Variants in EBF1 observed in about 807,000 individuals in gnomAD.
EBF1 encodes transcription factor COE1.
In EBF1, 10 loss-of-function variants were observed where a neutral mutation model predicts 68.4. The observed-to-expected ratio is 0.15, with a 90% CI of 0.09 to 0.25. The LOEUF is 0.25. Among genes scored for constraint, EBF1 ranks in the 10% least tolerant of loss-of-function variants. EBF1 has a pLI of 1.00. For synonymous variants in EBF1, 298 were observed against 299.8 expected (o/e 0.99, Z 0.06); for missense variants, 509 against 794.4 (o/e 0.64, Z 4.32).
intron 6 of EBF1, among the ~76,000 whole-genome samples, chr5:159,034,877 C>T (rs956924160): frequency 6.6e-6 from 1 of 152,170 alleles, no homozygotes; most frequent in African/African-American, 2.4e-5. Flanking sequence ...TCCTGCCTAC[C>T]TTGTCCAACC....
At position 158,707,962 on chromosome 5, in the gene EBF1, T is replaced by C; in HGVS notation, c.1744+17A>G. 1 of 1,540,458 alleles carries C rather than the reference T, an allele frequency of 6.5e-7. No individual in the cohort carries two copies. Among genetic ancestry groups the C allele is most frequent in the Non-Finnish European group, 8.8e-7 (1 of 1,140,850 alleles). The stretch of plus-strand genomic sequence containing the variant: ...AGGGCATTGAATCTGGATTGGCAGG[T>C]GGGGCCTGGGGCTTACCTTGCAGGC... On this transcript the variant is annotated intron_variant, in intron 15 of 15. Coordinates refer to ENST00000313708, the MANE Select transcript of EBF1 (RefSeq NM_024007.5).
chr5:159,011,401 G>A (rs1027530130), intron 6 of EBF1, among the ~76,000 whole-genome samples: 4 of 152,190 alleles, frequency 2.6e-5, no homozygotes, highest in Admixed American at 6.5e-5. Flanking sequence ...TTAGCTGGCT[G>A]CCGGAAGCCC....
intron 10 of EBF1, among the ~76,000 whole-genome samples, chr5:158,752,023 T>C (rs1340911274): frequency 6.6e-6 from 1 of 152,028 alleles, no homozygotes; most frequent in Non-Finnish European, 1.5e-5. Flanking sequence ...ATAATTACTA[T>C]GTGCAGTACT....
At chr5:158,811,055 T>C (rs1202866657) in intron 8 of EBF1, among the ~76,000 whole-genome samples, 2 of 152,194 alleles carry the variant, frequency 1.3e-5, no homozygotes, top group Non-Finnish European at 2.9e-5. Flanking sequence ...GATGGCATCA[T>C]ATTCATCTGA....
chr5:158,799,675 A>T (rs1780234051), intron 8 of EBF1, among the ~76,000 whole-genome samples: 1 of 152,178 alleles, frequency 6.6e-6, no homozygotes, highest in African/African-American at 2.4e-5. Flanking sequence ...ATTAATGGCC[A>T]CTGTTTCTCA....
chr5:158,779,377 A>G (rs1775949660), intron 9 of EBF1, among the ~76,000 whole-genome samples: 1 of 152,176 alleles, frequency 6.6e-6, no homozygotes, highest in African/African-American at 2.4e-5. Flanking sequence ...TTGTAATCAT[A>G]GAGAAAAAAA....
intron 6 of EBF1, among the ~76,000 whole-genome samples, chr5:158,880,085 T>C (rs188027651): frequency 1.4e-4 from 21 of 152,350 alleles, no homozygotes; most frequent in Admixed American, 1.1e-3. Context: ...TATTGACTTT[T>C]TGCCTTGTGC....
chr5:158,978,833 C>G (rs75827087), intron 6 of EBF1, among the ~76,000 whole-genome samples: 26,518 of 120,004 alleles, frequency 0.22, 2,450 homozygotes, highest in African/African-American at 0.24. Flanking sequence ...CACACACACA[C>G]ACAGAGAGAG....
At chr5:159,006,125 G>A (rs895817216) in intron 6 of EBF1, among the ~76,000 whole-genome samples, 5 of 152,160 alleles carry the variant, frequency 3.3e-5, no homozygotes, top group Non-Finnish European at 5.9e-5. Flanking sequence ...TGTCTAGAAG[G>A]CTGTTTTTGC....
chr5:158,802,619 G>A (rs916489999), intron 8 of EBF1, among the ~76,000 whole-genome samples: 6 of 152,118 alleles, frequency 3.9e-5, no homozygotes, highest in African/African-American at 7.2e-5. Context: ...ATGAAATTAT[G>A]TTAAGTTGAT....
At chr5:158,725,673 TGAG>T (rs1762843405) in intron 11 of EBF1, among the ~76,000 whole-genome samples, 1 of 152,200 alleles carries the variant, frequency 6.6e-6, no homozygotes, top group Admixed American at 6.5e-5. Flanking sequence ...TGTATGGTAA[TGAG>T]GAGACCATAT....
chr5:158,962,819 G>A (rs1373751891), intron 6 of EBF1, among the ~76,000 whole-genome samples: 1 of 152,106 alleles, frequency 6.6e-6, no homozygotes, highest in Non-Finnish European at 1.5e-5. Context: ...TTTAAGGATG[G>A]GGTTTTATCA....
At chr5:158,839,444 T>C (rs866507461) in intron 7 of EBF1, among the ~76,000 whole-genome samples, 2 of 152,176 alleles carry the variant, frequency 1.3e-5, no homozygotes, top group African/African-American at 2.4e-5. Context: ...TGGAGTGCAG[T>C]GGCATGACCT....
At chr5:158,836,419 G>T (rs1238133466) in intron 7 of EBF1, among the ~76,000 whole-genome samples, 1 of 152,066 alleles carries the variant, frequency 6.6e-6, no homozygotes, top group Non-Finnish European at 1.5e-5. Flanking sequence ...CAGAATGAGT[G>T]ACTGTTGTTA....
chr5:158,829,482 GC>G (rs1786997236), intron 7 of EBF1, among the ~76,000 whole-genome samples: 1 of 151,428 alleles, frequency 6.6e-6, no homozygotes, highest in Admixed American at 6.6e-5. Flanking sequence ...ACCACACCCG[GC>G]CCACAAAACT....
intron 8 of EBF1, among the ~76,000 whole-genome samples, chr5:158,822,904 C>A (rs1316984109): frequency 6.6e-6 from 1 of 152,140 alleles, no homozygotes; most frequent in South Asian, 2.1e-4. Flanking sequence ...ATGGTCCAGG[C>A]CTCCTTCTTT....
chr5:158,790,699 T>C (rs956562895), intron 9 of EBF1, among the ~76,000 whole-genome samples: 2 of 152,196 alleles, frequency 1.3e-5, no homozygotes, highest in South Asian at 2.1e-4. Flanking sequence ...ATTAATATCC[T>C]GAAGAACTAG....
Position 159,031,486 on chromosome 5 carries a change from C to A in EBF1, c.554+41910G>T, listed in dbSNP as rs559097484. ...AACAACGAAAGCCTCCTTTCTTACA[C>A]GTATTTACTAGCAGTCCCAAATGTT... On this transcript the variant is annotated intron_variant, in intron 6 of 15. Transcript: ENST00000313708. 6.6e-5 allele frequency among the ~76,000 whole-genome samples: 10 copies of A among 152,072 alleles called. No individual in the cohort carries two copies. In the South Asian group the frequency reaches 2.1e-3, roughly 32 times the overall value.
At chr5:158,977,952 A>G (rs940632928) in intron 6 of EBF1, among the ~76,000 whole-genome samples, 1 of 152,104 alleles carries the variant, frequency 6.6e-6, no homozygotes, top group East Asian at 1.9e-4. Flanking sequence ...GAAAACGCCA[A>G]CCCTGTCATC....
Sources: allele counts gnomAD v4.1 joint callset (sites outside exome capture counted in the v4.1 genomes callset), GRCh38; gene constraint gnomAD v4.1.1; transcripts MANE v1.5; gene names NCBI Gene and HGNC (gene_info 2026-07-23, HGNC 2026-07-21).